Variants in CDKN2B-AS1 observed in about 807,000 individuals in gnomAD.
CDKN2B-AS1 encodes CDKN2B and CDKN2A antisense cis and trans regulatory RNA 1.
intron 1 of CDKN2B-AS1, among the ~76,000 whole-genome samples, chr9:22,013,209 T>A (rs1821587900): frequency 6.6e-6 from 1 of 152,226 alleles, no homozygotes; most frequent in Non-Finnish European, 1.5e-5. Context: ...TAGTCACTTC[T>A]TTAAGGGCTC....
rs1410686345 is a variant in CDKN2B-AS1, at chr9:21,995,354, G to A, written n.29+193G>A. On this transcript the variant is annotated intron_variant and non_coding_transcript_variant, in intron 1 of 4. Transcript: ENST00000650946. This position sits in a 1 kb window ranked among gnomAD's most constrained non-coding sequence, Gnocchi z 5.7. ...GCTTCTTCCTCTTTCCTCTTCCCCCGCGCTCCCCTCCCCTGCTGGCCGCTC... is the reference window on the plus strand; with the variant it reads ...GCTTCTTCCTCTTTCCTCTTCCCCCACGCTCCCCTCCCCTGCTGGCCGCTC... 3.9e-5 allele frequency: 6 copies of A among 152,234 alleles called. No homozygotes were observed. Among genetic ancestry groups the A allele is most frequent in the African/African-American group, 1.2e-4 (5 of 41,308 alleles). The allele number at this position is 152,234 out of a possible 1,614,324, so 9.4% of individuals were successfully genotyped here.
chr9:22,106,871 C>G (rs373187277), intron 4 of CDKN2B-AS1, among the ~76,000 whole-genome samples: 2 of 152,110 alleles, frequency 1.3e-5, no homozygotes, highest in African/African-American at 4.8e-5. Context: ...TGAAGCAGGA[C>G]TAATGTTATC....
At chr9:22,034,497 T>C (rs1180666057) in intron 1 of CDKN2B-AS1, among the ~76,000 whole-genome samples, 1 of 152,170 alleles carries the variant, frequency 6.6e-6, no homozygotes, top group East Asian at 1.9e-4. Flanking sequence ...TTCAAATTCT[T>C]GTATTCTGAA....
intron 1 of CDKN2B-AS1, among the ~76,000 whole-genome samples, chr9:22,010,773 T>C (rs921115089): frequency 2.0e-5 from 3 of 152,224 alleles, no homozygotes; most frequent in African/African-American, 4.8e-5. Flanking sequence ...TCTCTACCTT[T>C]TACTCTTATG....
intron 4 of CDKN2B-AS1, among the ~76,000 whole-genome samples, chr9:22,106,517 C>T (rs2131362447): frequency 6.6e-6 from 1 of 152,258 alleles, no homozygotes; most frequent in Middle Eastern, 3.4e-3. Context: ...GTGCCCAGCC[C>T]AAGTTGTCTG....
intron 1 of CDKN2B-AS1, among the ~76,000 whole-genome samples, chr9:22,037,606 T>C (rs1822742493): frequency 6.6e-6 from 1 of 152,104 alleles, no homozygotes; most frequent in African/African-American, 2.4e-5. Context: ...TAATTTTAAC[T>C]TTCCTCTTCA....
Position 21,999,841 on chromosome 9 carries a change from A to G in CDKN2B-AS1, n.29+4680A>G, listed in dbSNP as rs1288095669. 6.6e-6 allele frequency among the ~76,000 whole-genome samples: 1 copy of G among 152,176 alleles called. No homozygotes were observed. The highest frequency in any genetic ancestry group is 1.5e-5 in the Non-Finnish European group (1 of 68,010). ...TGACAATGGAAGTTGTCAAAGATCT[A>G]TTGCTAATTAAAGAAAGCAAGTGAC... On this transcript the variant is annotated intron_variant and non_coding_transcript_variant, in intron 1 of 4. Coordinates refer to ENST00000650946, the Ensembl canonical transcript of CDKN2B-AS1. This position sits in a 1 kb window ranked among gnomAD's most constrained non-coding sequence, Gnocchi z 4.7.
chr9:22,104,799 G>C (rs548053752), intron 4 of CDKN2B-AS1, among the ~76,000 whole-genome samples: 68 of 152,282 alleles, frequency 4.5e-4, no homozygotes, highest in Non-Finnish European at 8.4e-4. Flanking sequence ...GTTTAGAGGA[G>C]AAAATGGAAG....
At chr9:22,011,678 G>A (rs1050407979) in intron 1 of CDKN2B-AS1, among the ~76,000 whole-genome samples, 22 of 152,178 alleles carry the variant, frequency 1.4e-4, no homozygotes, top group African/African-American at 4.6e-4. Context: ...TCACCTCACA[G>A]CACACCCTTA....
At chr9:22,023,123 T>A (rs564295286) in intron 1 of CDKN2B-AS1, among the ~76,000 whole-genome samples, 1 of 152,262 alleles carries the variant, frequency 6.6e-6, no homozygotes, top group Non-Finnish European at 1.5e-5. Context: ...TATTATGGGG[T>A]ATCTTACTGG....
chr9:22,029,514 C>A (rs752120070), intron 1 of CDKN2B-AS1: 4 of 779,496 alleles, frequency 5.1e-6, no homozygotes, highest in African/African-American at 5.1e-5. Context: ...CTCCTCTCAT[C>A]TGATCTCCGT....
At chr9:22,114,989 T>A (rs1390489975) in intron 4 of CDKN2B-AS1, among the ~76,000 whole-genome samples, 1 of 152,218 alleles carries the variant, frequency 6.6e-6, no homozygotes, top group East Asian at 1.9e-4. Flanking sequence ...CTATCCTGGT[T>A]GCCCCTTCTG....
At chr9:22,032,718 G>A (rs1822528474) in intron 1 of CDKN2B-AS1, 1 of 151,578 alleles carries the variant, frequency 6.6e-6, no homozygotes, top group South Asian at 2.1e-4. Context: ...TTGCTGTCTT[G>A]GATGTGAAGA....
chr9:22,080,562 A>G (rs1456000365), intron 4 of CDKN2B-AS1, among the ~76,000 whole-genome samples: 2 of 152,182 alleles, frequency 1.3e-5, no homozygotes, highest in African/African-American at 4.8e-5. Context: ...GAAGAAAATC[A>G]AACACAATGG....
At chr9:22,074,667 G>A (rs1824426236) in intron 4 of CDKN2B-AS1, among the ~76,000 whole-genome samples, 1 of 152,176 alleles carries the variant, frequency 6.6e-6, no homozygotes, top group South Asian at 2.1e-4. Context: ...CGACTTTCTT[G>A]GGACTATTAT....
rs373726081 is a variant in CDKN2B-AS1, at chr9:22,108,233, G to A, written n.439-18870G>A. Reference sequence around the variant, plus strand: ...GTCAGTTCTTCTCCGAATGGGCTCTGGAGATTGGCATTTGATTGAACAGCT... The same window carrying A: ...GTCAGTTCTTCTCCGAATGGGCTCTAGAGATTGGCATTTGATTGAACAGCT... On this transcript the variant is annotated intron_variant and non_coding_transcript_variant, in intron 4 of 4. Coordinates refer to ENST00000650946, the Ensembl canonical transcript of CDKN2B-AS1. Among the ~76,000 whole-genome samples, 119 of 152,256 alleles carry A rather than the reference G, an allele frequency of 7.8e-4. 1 individual carries two copies. The highest frequency in any genetic ancestry group is 3.4e-3 in the Middle Eastern group (1 of 294).
intron 4 of CDKN2B-AS1, among the ~76,000 whole-genome samples, chr9:22,081,275 CTTT>C (rs36049201): frequency 2.6e-4 from 32 of 124,492 alleles, no homozygotes; most frequent in African/African-American, 3.3e-4. Flanking sequence ...TGTTCTTTAG[CTTT>C]TTTTTTTTTT....
intron 1 of CDKN2B-AS1, among the ~76,000 whole-genome samples, chr9:22,009,796 A>G (rs986708836): frequency 6.6e-6 from 1 of 152,236 alleles, no homozygotes; most frequent in Non-Finnish European, 1.5e-5. Context: ...CATAACTTGT[A>G]TCAAACTTAG....
In CDKN2B-AS1 at chr9:22,006,179, T is replaced by G; in HGVS notation, n.29+11018T>G. 1 of 1,609,908 alleles carries G rather than the reference T, an allele frequency of 6.2e-7. No homozygotes were observed. The highest frequency in any genetic ancestry group is 1.3e-5 in the African/African-American group (1 of 75,044). ...CCGGTCGGGTGAGAGTGGCAGGGTC[T>G]GCGCAGTTGGGCTCCGCGCCGTGGA... On this transcript the variant is annotated intron_variant and non_coding_transcript_variant, in intron 1 of 4. Transcript: ENST00000650946. This position sits in a 1 kb window ranked among gnomAD's most constrained non-coding sequence, Gnocchi z 6.4.
Sources: gnomAD v4.1 joint callset for allele counts (sites outside exome capture counted in the v4.1 genomes callset) on GRCh38, gnomAD v4.1.1 for gene constraint, Gnocchi (gnomAD v3.1) non-coding constraint, MANE v1.5 for transcripts, NCBI Gene and HGNC (gene_info 2026-07-23, HGNC 2026-07-21) for gene names.